The following TMTC2 variants were observed in gnomAD, a reference collection of about 807,000 sequenced individuals.
The protein encoded by TMTC2 is protein O-mannosyl-transferase TMTC2.
Under a neutral mutation model 82.4 loss-of-function variants are expected in TMTC2, and 43 were observed. The ratio of observed to expected loss-of-function variants is 0.52; its 90% CI spans 0.41 to 0.67. The LOEUF (loss-of-function observed/expected upper bound fraction) is 0.67. Among genes scored for constraint, TMTC2 ranks in the 30% least tolerant of loss-of-function variants. TMTC2 has a pLI of 0.00. For synonymous variants in TMTC2, 408 were observed against 381.9 expected (o/e 1.07, Z -0.80); for missense variants, 919 against 1,012.4 (o/e 0.91, Z 1.25).
chr12:82,730,624 CAT>C (rs775931352), intron 1 of TMTC2, among the ~76,000 whole-genome samples: 3 of 152,188 alleles, frequency 2.0e-5, no homozygotes, highest in East Asian at 1.9e-4. Context: ...TTGTGTATCA[CAT>C]ATTTTTATTG....
Position 82,987,032 on chromosome 12 carries a change from C to T in TMTC2, c.2070+986C>T, listed in dbSNP as rs531209922. On this transcript the variant is annotated intron_variant, in intron 8 of 11. Coordinates refer to ENST00000321196, the MANE Select transcript of TMTC2 (RefSeq NM_152588.3). ...GAGCAAATGATCAGGAAGGTGATTC[C>T]TAAGTGAATTCATTGAAAAGTATTT... 6.6e-4 allele frequency among the ~76,000 whole-genome samples: 100 copies of T among 151,990 alleles called. 1 individual carries two copies. Among genetic ancestry groups the T allele is most frequent in the African/African-American group, 2.4e-3 (100 of 41,468 alleles).
chr12:82,951,340 G>C (rs1305333334), intron 4 of TMTC2, among the ~76,000 whole-genome samples: 1 of 152,030 alleles, frequency 6.6e-6, no homozygotes, highest in Non-Finnish European at 1.5e-5. Context: ...CGCTAGGCTG[G>C]AGTGCAGTGG....
intron 4 of TMTC2, among the ~76,000 whole-genome samples, chr12:82,933,603 A>T (rs1251501088): frequency 6.6e-6 from 1 of 152,184 alleles, no homozygotes; most frequent in African/African-American, 2.4e-5. Flanking sequence ...CACTTGTCCT[A>T]TCATCAGTTA....
At chr12:82,730,641 C>A (rs1052113842) in intron 1 of TMTC2, among the ~76,000 whole-genome samples, 7 of 152,158 alleles carry the variant, frequency 4.6e-5, no homozygotes, top group African/African-American at 1.7e-4. Context: ...TTATTGAAGA[C>A]ACTAGTTTAA....
At chr12:83,012,635 T>G (rs1447885492) in intron 8 of TMTC2, among the ~76,000 whole-genome samples, 1 of 152,306 alleles carries the variant, frequency 6.6e-6, no homozygotes. Flanking sequence ...TATATATTCA[T>G]TTTTTATTCA....
At position 83,072,866 on chromosome 12, in the gene TMTC2, C is replaced by T. The variant is rs373378017; in HGVS notation, c.2331+11035C>T. Among the ~76,000 whole-genome samples, 34 of 152,062 alleles carry T rather than the reference C, an allele frequency of 2.2e-4. No homozygotes were observed. The South Asian group carries it at 4.8e-3, about 21-fold the overall frequency. On this transcript the variant is annotated intron_variant, in intron 11 of 11. Transcript: ENST00000321196. ...ATTCTCATGAAATGCCTTTTTTCAC[C>T]GCTTTAAGTTTATGTGAGTCCTTAT...
intron 11 of TMTC2, among the ~76,000 whole-genome samples, chr12:83,124,411 A>G (rs1885044306): frequency 6.6e-6 from 1 of 152,210 alleles, no homozygotes; most frequent in Non-Finnish European, 1.5e-5. Context: ...GACAATTAGG[A>G]TAAATTCACT....
In TMTC2 at chr12:82,896,236, T is replaced by C; in HGVS notation, c.1073T>C (p.Val358Ala). ...NANGHSCLSD[V>A]EYQNSETKSS... ...AATGGACATAGCTGCCTTTCAGATG[T>C]GGAGTACCAGAACTCAGAGACTAAG... Residue 358 changes from valine (V) to alanine (A), a missense_variant, in exon 3 of 12, where the codon GTG becomes GCG. Coordinates refer to ENST00000321196, the MANE Select transcript of TMTC2 (RefSeq NM_152588.3). The C allele has an allele frequency of 5.0e-6, 8 of 1,614,066 alleles. No homozygotes were observed. The highest frequency in any genetic ancestry group is 6.8e-6 in the Non-Finnish European group (8 of 1,180,020).
intron 4 of TMTC2, among the ~76,000 whole-genome samples, chr12:82,932,693 G>C (rs17010168): frequency 0.042 from 6,318 of 152,000 alleles, 194 homozygotes; most frequent in African/African-American, 0.088. Context: ...TTGCAGTATG[G>C]GATATTACTT....
At chr12:83,014,922 T>C (rs1880608764) in intron 8 of TMTC2, among the ~76,000 whole-genome samples, 1 of 152,158 alleles carries the variant, frequency 6.6e-6, no homozygotes, top group African/African-American at 2.4e-5. Flanking sequence ...TTTGTCACAG[T>C]CTCATTGAGA....
chr12:82,776,816 T>C (rs563559610), intron 1 of TMTC2, among the ~76,000 whole-genome samples: 1 of 152,178 alleles, frequency 6.6e-6, no homozygotes, highest in East Asian at 1.9e-4. Context: ...CTCACACCTG[T>C]AGTCCCAGCT....
In TMTC2 at chr12:82,951,644, G is replaced by A. The variant is rs568114901; in HGVS notation, c.1599-13380G>A. Among the ~76,000 whole-genome samples the A allele has an allele frequency of 3.4e-4, 51 of 152,172 alleles. 1 individual carries two copies. Among genetic ancestry groups the A allele is most frequent in the South Asian group, 1.0e-3 (5 of 4,828 alleles). On this transcript the variant is annotated intron_variant, in intron 4 of 11. Coordinates refer to ENST00000321196, the MANE Select transcript of TMTC2 (RefSeq NM_152588.3). The stretch of plus-strand genomic sequence containing the variant: ...CTGGAATTTAACCTTTTAAAGAAGG[G>A]TACATCTTTTAATTTTGCTCACAGT...
intron 8 of TMTC2, among the ~76,000 whole-genome samples, chr12:83,021,329 T>A (rs1880912880): frequency 6.6e-6 from 1 of 152,150 alleles, no homozygotes; most frequent in African/African-American, 2.4e-5. Flanking sequence ...CAGAACTCTA[T>A]CACTCCACTA....
intron 2 of TMTC2, among the ~76,000 whole-genome samples, chr12:82,862,440 T>C (rs1000513574): frequency 1.3e-5 from 2 of 152,198 alleles, no homozygotes; most frequent in African/African-American, 4.8e-5. Context: ...AATCTGAAAG[T>C]CAATGTAGCA....
chr12:82,879,571 G>A (rs1406943147), intron 2 of TMTC2, among the ~76,000 whole-genome samples: 3 of 152,184 alleles, frequency 2.0e-5, no homozygotes, highest in Non-Finnish European at 4.4e-5. Context: ...GGACCGGTTC[G>A]TGGCCCAGGA....
At chr12:82,728,351 TTTTTTG>T (rs1246081590) in intron 1 of TMTC2, among the ~76,000 whole-genome samples, 3 of 152,138 alleles carry the variant, frequency 2.0e-5, no homozygotes, top group Admixed American at 1.3e-4. Context: ...AAAAAGGTTT[TTTTTTG>T]TTTTTGTTTT....
intron 1 of TMTC2, among the ~76,000 whole-genome samples, chr12:82,767,180 C>T (rs937519304): frequency 6.6e-6 from 1 of 152,120 alleles, no homozygotes; most frequent in Non-Finnish European, 1.5e-5. Context: ...GTATTGCTGC[C>T]TTTTGGAAGA....
At chr12:82,871,364 A>ATTT (rs113920774) in intron 2 of TMTC2, among the ~76,000 whole-genome samples, 13,355 of 145,266 alleles carry the variant, frequency 0.092, 767 homozygotes, top group African/African-American at 0.16. Flanking sequence ...AGAAACAATG[A>ATTT]TTTTTTTTTT....
intron 8 of TMTC2, among the ~76,000 whole-genome samples, chr12:83,005,981 C>A (rs185926458): frequency 1.8e-3 from 277 of 152,274 alleles, no homozygotes; most frequent in African/African-American, 5.9e-3. Context: ...TGTCCCCATG[C>A]AAAAACCCCC....
Sources: allele counts gnomAD v4.1 joint callset (sites outside exome capture counted in the v4.1 genomes callset), GRCh38; gene constraint gnomAD v4.1.1; transcripts MANE v1.5; gene names NCBI Gene and HGNC (gene_info 2026-07-23, HGNC 2026-07-21).